Variants in SEMA4G observed in about 807,000 individuals in gnomAD.
The protein encoded by SEMA4G is semaphorin 4G.
Under a neutral mutation model 81.2 loss-of-function variants are expected in SEMA4G, and 59 were observed. The ratio of observed to expected loss-of-function variants is 0.73; its 90% CI spans 0.59 to 0.90. The LOEUF (loss-of-function observed/expected upper bound fraction) is 0.90. Among genes scored for constraint, SEMA4G ranks in the 40% least tolerant of loss-of-function variants. The pLI, the probability that SEMA4G is intolerant of heterozygous loss-of-function variation, is 0.00. For missense variants in SEMA4G, 952 were observed against 1,102.3 expected (o/e 0.86, Z 1.93); for synonymous variants, 404 against 433.9 (o/e 0.93, Z 0.86).
At chr10:100,984,018 A>G (rs962140588) in exon 14 of SEMA4G, 2 of 1,613,430 alleles carry the variant, frequency 1.2e-6, no homozygotes, top group African/African-American at 2.7e-5. Context: ...TCTGAGGCAG[A>G]GCAACAATGG....
exon 14 of SEMA4G, chr10:100,984,787 C>T (rs1051674712): frequency 8.5e-6 from 13 of 1,535,730 alleles, no homozygotes; most frequent in Admixed American, 2.0e-5. Flanking sequence ...AGCTTGGGAA[C>T]GGGCCAGCCT....
Position 100,973,567 on chromosome 10 carries a change from A to G in SEMA4G, c.294A>G (p.Pro98=), listed in dbSNP as rs891205288. The G allele has an allele frequency of 6.2e-7, 1 of 1,614,052 alleles. No individual in the cohort carries two copies. The highest frequency in any genetic ancestry group is 1.3e-5 in the African/African-American group (1 of 74,916). The change falls in exon 3 of 14, where the codon CCA becomes CCG. Residue 98 remains proline (P), a synonymous_variant. Coordinates refer to ENST00000370250, the Ensembl canonical transcript of SEMA4G. This position sits in a 1 kb window ranked among gnomAD's most constrained non-coding sequence, Gnocchi z 5.5. The stretch of plus-strand genomic sequence containing the variant: ...ACTAGATCCACTGGGAAGCCTCCCC[A>G]GAGATGCAAAGCAAATGTCATCAAA...
At chr10:100,980,179 C>T in exon 10 of SEMA4G, 1 of 1,614,264 alleles carries the variant, frequency 6.2e-7, no homozygotes, top group Non-Finnish European at 8.5e-7. Flanking sequence ...CTTGCCATCC[C>T]TGGTCCTGGA....
rs1217004954 is a variant in SEMA4G, at chr10:100,984,624, G to C, written c.*493G>C. 2.6e-6 allele frequency: 4 copies of C among 1,536,312 alleles called. 1 individual carries two copies. Among genetic ancestry groups the C allele is most frequent in the Non-Finnish European group, 3.5e-6 (4 of 1,146,970 alleles). The stretch of plus-strand genomic sequence containing the variant: ...CGTACATTCACATGCACACATGGAA[G>C]AATGTTTATCGGCTGGGCTGCAGTG... On this transcript the variant is annotated 3_prime_UTR_variant, in exon 14 of 14. Transcript: ENST00000370250.
At chr10:100,976,793 C>G (rs574474132) in intron 3 of SEMA4G, among the ~76,000 whole-genome samples, 1 of 152,178 alleles carries the variant, frequency 6.6e-6, no homozygotes, top group African/African-American at 2.4e-5. Context: ...ATAACATACC[C>G]CTTTGTACTT....
At chr10:100,978,533 G>A in exon 6 of SEMA4G, 1 of 1,613,900 alleles carries the variant, frequency 6.2e-7, no homozygotes, top group Non-Finnish European at 8.5e-7. Flanking sequence ...CCAGATGGAG[G>A]CCTCTACACA....
chr10:100,985,115 A>C (rs1357855929), downstream of SEMA4G: 2 of 463,016 alleles, frequency 4.3e-6, no homozygotes, highest in East Asian at 3.3e-5. Context: ...CACTGCACTC[A>C]ATGAGCCAGC....
At chr10:100,975,385 C>T (rs766436200) in intron 3 of SEMA4G, among the ~76,000 whole-genome samples, 1 of 152,192 alleles carries the variant, frequency 6.6e-6, no homozygotes, top group East Asian at 1.9e-4. Flanking sequence ...TTCTGAGGAA[C>T]ATTAATTTTC....
Position 100,973,392 on chromosome 10 carries a change from T to C in SEMA4G, c.273+115T>C. On this transcript the variant is annotated intron_variant, in intron 2 of 13. Transcript: ENST00000370250. This position sits in a 1 kb window ranked among gnomAD's most constrained non-coding sequence, Gnocchi z 5.5. ...CCATAGCCCCCTGGTCAGACAGCAC[T>C]GCCCTTCCCAGCCCAGGTGTTCCTT... The C allele has an allele frequency of 7.0e-7, 1 of 1,435,424 alleles. No individual in the cohort carries two copies. The highest frequency in any genetic ancestry group is 9.6e-7 in the Non-Finnish European group (1 of 1,046,264). 88.9% of individuals were successfully genotyped at this position (1,435,424 alleles called of 1,614,324 possible). A position where few individuals can be genotyped will look rare whatever the true frequency, so the allele number is the denominator to read the frequency against.
Position 100,978,339 on chromosome 10 carries a change from G to T in SEMA4G, c.480G>T (p.Lys160Asn), listed in dbSNP as rs374443024. 6.2e-6 allele frequency: 10 copies of T among 1,613,740 alleles called. No homozygotes were observed. Among genetic ancestry groups the T allele is most frequent in the Non-Finnish European group, 7.6e-6 (9 of 1,179,862 alleles). Residue 160 changes from lysine to asparagine, a missense_variant, in exon 5 of 14, where the codon AAG becomes AAT. This residue lies in a region of SEMA4G where 436 missense variants were observed against 488.2 expected (regional missense o/e 0.89). Transcript: ENST00000370250. ...TGCCAACCAGCTTCGAGGAGGGGAAGGAGAAGTGTCCTTATGACCCAGCCC... is the reference window on the plus strand; with the variant it reads ...TGCCAACCAGCTTCGAGGAGGGGAATGAGAAGTGTCCTTATGACCCAGCCC...
intron 3 of SEMA4G, among the ~76,000 whole-genome samples, chr10:100,974,405 G>A (rs1397838836): frequency 2.6e-5 from 4 of 152,038 alleles, no homozygotes; most frequent in Non-Finnish European, 4.4e-5. Flanking sequence ...TTGAGGCTGC[G>A]TGAGCTATAA....
At chr10:100,977,943 A>C (rs914679081) in intron 4 of SEMA4G, 3 of 583,856 alleles carry the variant, frequency 5.1e-6, no homozygotes, top group Non-Finnish European at 6.1e-6. Context: ...TTCACTTAGC[A>C]TCCTCCCCCT....
exon 8 of SEMA4G, chr10:100,979,186 G>A: frequency 6.2e-7 from 1 of 1,614,230 alleles, no homozygotes; most frequent in Non-Finnish European, 8.5e-7. Context: ...TCCACTGTAT[G>A]AGACACTGCG....
Position 100,973,580 on chromosome 10 carries a change from A to G in SEMA4G, c.307A>G (p.Lys103Glu). The G allele has an allele frequency of 2.5e-6, 4 of 1,614,118 alleles. No homozygotes were observed. Among genetic ancestry groups the G allele is most frequent in the Non-Finnish European group, 3.4e-6 (4 of 1,180,030 alleles). ...GGAAGCCTCCCCAGAGATGCAAAGC[A>G]AATGTCATCAAAAAGGGAAAAACAA... Residue 103 changes from lysine to glutamate, a missense_variant, in exon 3 of 14, where the codon AAA becomes GAA. Physicochemically the swap from Lys to Glu is moderately conservative, Grantham distance 56 (BLOSUM62 1). Coordinates refer to ENST00000370250, the Ensembl canonical transcript of SEMA4G. The surrounding 1 kb of genome is among the most constrained non-coding windows in gnomAD (Gnocchi z 5.5).
exon 14 of SEMA4G, chr10:100,984,418 C>T (rs1851317105): frequency 6.8e-7 from 1 of 1,473,846 alleles, no homozygotes. Context: ...ATCCCCTAAC[C>T]TAAACACTTA....
At chr10:100,983,956 T>C in exon 14 of SEMA4G, 1 of 1,571,740 alleles carries the variant, frequency 6.4e-7, no homozygotes, top group South Asian at 1.1e-5. Context: ...ACCAATGGCT[T>C]GGTGGCACTG....
chr10:100,971,042 T>C (rs1398282073), upstream of SEMA4G, among the ~76,000 whole-genome samples: 2 of 152,220 alleles, frequency 1.3e-5, no homozygotes, highest in Non-Finnish European at 2.9e-5. Flanking sequence ...AGCATATGTG[T>C]GCACAAAACT....
intron 13 of SEMA4G, chr10:100,981,659 T>G: frequency 7.7e-7 from 1 of 1,300,110 alleles, no homozygotes; most frequent in South Asian, 1.3e-5. Context: ...ACAGCATTCT[T>G]ATGAGAAAGG....
Position 100,973,369 on chromosome 10 carries a change from A to G in SEMA4G, c.273+92A>G. On this transcript the variant is annotated intron_variant, in intron 2 of 13. Transcript: ENST00000370250. This position sits in a 1 kb window ranked among gnomAD's most constrained non-coding sequence, Gnocchi z 5.5. Reference sequence around the variant, plus strand: ...TTCCTTAAAACCCTGCCAGCCTTCCATAGCCCCCTGGTCAGACAGCACTGC... The same window carrying G: ...TTCCTTAAAACCCTGCCAGCCTTCCGTAGCCCCCTGGTCAGACAGCACTGC... 6.6e-7 allele frequency: 1 copy of G among 1,524,068 alleles called. No homozygotes were observed. The allele number at this position is 1,524,068 out of a possible 1,614,324, so 94.4% of individuals were successfully genotyped here.
Sources: gnomAD v4.1 joint callset for allele counts (sites outside exome capture counted in the v4.1 genomes callset) on GRCh38, gnomAD v4.1.1 for gene constraint, gnomAD v4.1.1 regional missense constraint, Gnocchi (gnomAD v3.1) non-coding constraint, MANE v1.5 for transcripts, NCBI Gene and HGNC (gene_info 2026-07-23, HGNC 2026-07-21) for gene names.